The following ZNF462 variants were observed in gnomAD, a reference collection of about 807,000 sequenced individuals.
The protein encoded by ZNF462 is zinc finger PBX1-interacting protein.
A neutral mutation model predicts 201.9 loss-of-function variants in ZNF462; 10 were observed. That is an observed-to-expected ratio of 0.05 (90% CI 0.03 to 0.08). The LOEUF (loss-of-function observed/expected upper bound fraction) is 0.08. Ranked by LOEUF, ZNF462 falls within the 10% of genes least tolerant of loss-of-function variation. The probability of loss-of-function intolerance (pLI) is 1.00; values close to 1 mark genes in which losing one functional copy is unlikely to be tolerated. For synonymous variants in ZNF462, 1,227 were observed against 1,193.3 expected (o/e 1.03, Z -0.58); for missense variants, 2,523 against 3,168.3 (o/e 0.80, Z 4.89).
At chr9:106,967,504 A>G (rs898994878) in intron 7 of ZNF462, among the ~76,000 whole-genome samples, 1 of 151,580 alleles carries the variant, frequency 6.6e-6, no homozygotes, top group Non-Finnish European at 1.5e-5. Context: ...AGCTGGAATT[A>G]GCAAAAAAAA....
rs1410552039 is a variant in ZNF462 at position 106,993,320 on chromosome 9, G to A, written c.7056+8911G>A. ...AAGTCAAATATACCATTCCTTTTAA[G>A]AACCAAAATCTCCAGTGCAGTCGAT... On this transcript the variant is annotated intron_variant, in intron 10 of 12. Coordinates refer to ENST00000277225, the MANE Select transcript of ZNF462 (RefSeq NM_021224.6). The surrounding 1 kb of genome is among the most constrained non-coding windows in gnomAD (Gnocchi z 4.0). Among the ~76,000 whole-genome samples the A allele has an allele frequency of 1.3e-5, 2 of 152,044 alleles. No individual in the cohort carries two copies. Among genetic ancestry groups the A allele is most frequent in the Non-Finnish European group, 2.9e-5 (2 of 67,990 alleles).
At chr9:106,965,156 AAG>A (rs556535661) in intron 7 of ZNF462, among the ~76,000 whole-genome samples, 220 of 152,134 alleles carry the variant, frequency 1.4e-3, no homozygotes, top group African/African-American at 4.9e-3. Flanking sequence ...CTGAGTTTTG[AAG>A]GATGGGTAAG....
rs1829371098 is a variant in ZNF462 at position 107,003,905 on chromosome 9, C to T, written c.7189+479C>T. On this transcript the variant is annotated intron_variant, in intron 11 of 12. Transcript: ENST00000277225. This position sits in a 1 kb window ranked among gnomAD's most constrained non-coding sequence, Gnocchi z 4.4. ...TGATGTCCCTCTGCGTGGCCCTTTT[C>T]TTAACCCCCTTTGTGCTCTGACTTG... 6.6e-6 allele frequency among the ~76,000 whole-genome samples: 1 copy of T among 152,072 alleles called. No individual in the cohort carries two copies. The highest frequency in any genetic ancestry group is 2.4e-5 in the African/African-American group (1 of 41,428).
In ZNF462 at chr9:106,870,439, A is replaced by G. The variant is rs1393339334; in HGVS notation, c.-31+7084A>G. On this transcript the variant is annotated intron_variant, in intron 1 of 12. Transcript: ENST00000277225. The surrounding 1 kb of genome is among the most constrained non-coding windows in gnomAD (Gnocchi z 4.3). ...TGCGCCTGTCCACATCTTACCCCCA[A>G]CCTTATTCAAAGAGTAGACCCTGTT... Among the ~76,000 whole-genome samples, 1 of 152,128 alleles carries G rather than the reference A, an allele frequency of 6.6e-6. No individual in the cohort carries two copies. The highest frequency in any genetic ancestry group is 1.5e-5 in the Non-Finnish European group (1 of 68,024).
chr9:106,992,775 G>C (rs1828383961), intron 10 of ZNF462, among the ~76,000 whole-genome samples: 1 of 152,070 alleles, frequency 6.6e-6, no homozygotes, highest in South Asian at 2.1e-4. Flanking sequence ...AGAGTGATGA[G>C]AGTGTTCTTA....
At chr9:106,861,578 GTCCAAC>G (rs757135354), upstream of ZNF462, among the ~76,000 whole-genome samples, 2 of 152,218 alleles carry the variant, frequency 1.3e-5, no homozygotes, top group African/African-American at 4.8e-5. Flanking sequence ...GGCTGTTGAT[GTCCAAC>G]TCCAAGATCC....
chr9:106,873,850 A>G (rs1321169891), intron 1 of ZNF462, among the ~76,000 whole-genome samples: 1 of 152,172 alleles, frequency 6.6e-6, no homozygotes, highest in Non-Finnish European at 1.5e-5. Context: ...GTGGTTGGAC[A>G]TTAGTTGCTG....
In ZNF462 at chr9:106,886,821, G is replaced by A. The variant is rs137918928; in HGVS notation, c.-31+23466G>A. 3.8e-3 allele frequency among the ~76,000 whole-genome samples: 586 copies of A among 152,212 alleles called. 3 individuals carry two copies. Among genetic ancestry groups the A allele is most frequent in the Non-Finnish European group, 5.9e-3 (402 of 68,020 alleles). Reference sequence around the variant, plus strand: ...TTCTCGTGCCAATTTTGATTGATTGGTGGAGAATGCCTGGAGCTTCACTTT... The same window carrying A: ...TTCTCGTGCCAATTTTGATTGATTGATGGAGAATGCCTGGAGCTTCACTTT... On this transcript the variant is annotated intron_variant, in intron 1 of 12. Coordinates refer to ENST00000277225, the MANE Select transcript of ZNF462 (RefSeq NM_021224.6). This position sits in a 1 kb window ranked among gnomAD's most constrained non-coding sequence, Gnocchi z 4.6.
intron 7 of ZNF462, among the ~76,000 whole-genome samples, chr9:106,969,301 G>A (rs1359896919): frequency 6.6e-6 from 1 of 152,170 alleles, no homozygotes; most frequent in South Asian, 2.1e-4. Flanking sequence ...AGGGCAATGA[G>A]CCTCTGTTTC....
chr9:106,994,927 C>G (rs1828590419), intron 10 of ZNF462, among the ~76,000 whole-genome samples: 1 of 152,130 alleles, frequency 6.6e-6, no homozygotes, highest in East Asian at 1.9e-4. Flanking sequence ...CAAAATCTAA[C>G]CTAGTGCCCA....
intron 10 of ZNF462, among the ~76,000 whole-genome samples, chr9:106,987,335 T>A (rs1029578796): frequency 6.3e-4 from 96 of 152,126 alleles, no homozygotes; most frequent in Non-Finnish European, 1.0e-3. Context: ...CTGGATTTTT[T>A]AAATTTTTTT....
In ZNF462 at chr9:106,993,206, G is replaced by T. The variant is rs1408104008; in HGVS notation, c.7056+8797G>T. ...GGACTTCTGAATTCTGCCTGCAAAG[G>T]TTATAAACCTCAGGAACATCTGTAA... On this transcript the variant is annotated intron_variant, in intron 10 of 12. Transcript: ENST00000277225. The surrounding 1 kb of genome is among the most constrained non-coding windows in gnomAD (Gnocchi z 4.0). 6.6e-6 allele frequency among the ~76,000 whole-genome samples: 1 copy of T among 152,080 alleles called. No homozygotes were observed. The highest frequency in any genetic ancestry group is 2.4e-5 in the African/African-American group (1 of 41,420).
rs1219216289 is a variant in ZNF462, at chr9:106,917,694, A to T, written c.-30-5660A>T. Among the ~76,000 whole-genome samples the T allele has an allele frequency of 1.3e-5, 2 of 152,158 alleles. No individual in the cohort carries two copies. Among genetic ancestry groups the T allele is most frequent in the Non-Finnish European group, 2.9e-5 (2 of 68,036 alleles). On this transcript the variant is annotated intron_variant, in intron 1 of 12. Coordinates refer to ENST00000277225, the MANE Select transcript of ZNF462 (RefSeq NM_021224.6). This position sits in a 1 kb window ranked among gnomAD's most constrained non-coding sequence, Gnocchi z 4.5. ...GCCAAGAGTACACAGAACTGCTTAG[A>T]TCATGTAGCAAAAAGTATAAACATT...
chr9:106,952,957 C>G (rs1831417306), intron 7 of ZNF462, among the ~76,000 whole-genome samples: 1 of 152,146 alleles, frequency 6.6e-6, no homozygotes, highest in Non-Finnish European at 1.5e-5. Context: ...AGTCTGTTTA[C>G]TGTGCCACTG....
At chr9:106,915,022 A>G (rs142634564) in intron 1 of ZNF462, among the ~76,000 whole-genome samples, 1 of 152,290 alleles carries the variant, frequency 6.6e-6, no homozygotes, top group East Asian at 1.9e-4. Context: ...GGTCCTTTGT[A>G]CAAAAAGGTT....
chr9:106,963,725 A>G lies in ZNF462; in HGVS notation c.6428-8280A>G, dbSNP rs1292468599. Among the ~76,000 whole-genome samples, 1 of 152,040 alleles carries G rather than the reference A, an allele frequency of 6.6e-6. No individual in the cohort carries two copies. Among genetic ancestry groups the G allele is most frequent in the African/African-American group, 2.4e-5 (1 of 41,400 alleles). On this transcript the variant is annotated intron_variant, in intron 7 of 12. Transcript: ENST00000277225. The surrounding 1 kb of genome is among the most constrained non-coding windows in gnomAD (Gnocchi z 4.7). ...ACATGGGAATTTACCCTCTTAACAAATTTCTAAGTATATAGGATAGTATTG... is the reference window on the plus strand; with the variant it reads ...ACATGGGAATTTACCCTCTTAACAAGTTTCTAAGTATATAGGATAGTATTG...
Position 106,984,355 on chromosome 9 carries a change from C to T in ZNF462, c.7002C>T (p.Tyr2334=), listed in dbSNP as rs1392449860. 3.1e-6 allele frequency: 5 copies of T among 1,613,956 alleles called. No individual in the cohort carries two copies. Among genetic ancestry groups the T allele is most frequent in the Non-Finnish European group, 2.5e-6 (3 of 1,179,992 alleles). Residue 2334 remains tyrosine, a synonymous_variant, in exon 10 of 13, where the codon TAC becomes TAT. Coordinates refer to ENST00000277225, the MANE Select transcript of ZNF462 (RefSeq NM_021224.6). This position sits in a 1 kb window ranked among gnomAD's most constrained non-coding sequence, Gnocchi z 6.4. ...AACCTTACAAATGCCAGCTCTGCTA[C>T]TATGAGACCAAGCACACGGAGGAAC... ...ELKPYKCQLC[Y]YETKHTEELD... is the part of the protein sequence containing the mutation.
chr9:106,906,080 C>G (rs983737093), intron 1 of ZNF462, among the ~76,000 whole-genome samples: 2 of 152,220 alleles, frequency 1.3e-5, no homozygotes, highest in African/African-American at 4.8e-5. Context: ...CTGCTGCTTC[C>G]TCTACCCCTG....
At chr9:106,988,108 GTT>G (rs1827991601) in intron 10 of ZNF462, among the ~76,000 whole-genome samples, 1 of 152,032 alleles carries the variant, frequency 6.6e-6, no homozygotes, top group African/African-American at 2.4e-5. Context: ...GTAGTAGTCT[GTT>G]TTCACACTAC....
Sources: gnomAD v4.1 joint callset for allele counts (sites outside exome capture counted in the v4.1 genomes callset) on GRCh38, gnomAD v4.1.1 for gene constraint, Gnocchi (gnomAD v3.1) non-coding constraint, MANE v1.5 for transcripts, NCBI Gene and HGNC (gene_info 2026-07-23, HGNC 2026-07-21) for gene names.